Variants in SLC39A9 observed in about 807,000 individuals in gnomAD.
SLC39A9 encodes the protein zinc transporter ZIP9.
In SLC39A9, 14 loss-of-function variants were observed where a neutral mutation model predicts 28.4. The observed-to-expected ratio is 0.49, with a 90% CI of 0.33 to 0.77. The LOEUF is 0.77. Ranked by LOEUF, SLC39A9 falls within the 30% of genes least tolerant of loss-of-function variation. SLC39A9 has a pLI of 0.02. For synonymous variants in SLC39A9, 119 were observed against 149.6 expected (o/e 0.80, Z 1.49); for missense variants, 283 against 381.1 (o/e 0.74, Z 2.14).
Position 69,413,972 on chromosome 14 carries a change from A to G in SLC39A9, c.97-10122A>G, listed in dbSNP as rs145027922. On this transcript the variant is annotated intron_variant, in intron 1 of 6. Transcript: ENST00000336643. ...TAGCTAATATCCCTATTTTTAAAAC[A>G]TGGGTCTAAAGATTAATAAAAACCT... Among the ~76,000 whole-genome samples, 973 of 151,986 alleles carry G rather than the reference A, an allele frequency of 6.4e-3. 6 individuals are homozygous for G. The highest frequency in any genetic ancestry group is 0.022 in the African/African-American group (931 of 41,458).
intron 2 of SLC39A9, among the ~76,000 whole-genome samples, chr14:69,427,082 G>A (rs570116504): frequency 2.0e-5 from 3 of 149,626 alleles, no homozygotes; most frequent in African/African-American, 4.9e-5. Context: ...GATCACTGCA[G>A]CCTTGACTTC....
chr14:69,426,516 C>T (rs1275399708), intron 2 of SLC39A9, among the ~76,000 whole-genome samples: 1 of 152,232 alleles, frequency 6.6e-6, no homozygotes, highest in East Asian at 1.9e-4. Context: ...GCGCCACCCT[C>T]CTGGCACATG....
chr14:69,427,157 C>T (rs1052137270), intron 2 of SLC39A9, among the ~76,000 whole-genome samples: 1 of 151,874 alleles, frequency 6.6e-6, no homozygotes, highest in African/African-American at 2.4e-5. Context: ...CTCATGACAC[C>T]ACACCCAGCT....
At chr14:69,408,006 T>C (rs1883038339) in intron 1 of SLC39A9, among the ~76,000 whole-genome samples, 2 of 152,014 alleles carry the variant, frequency 1.3e-5, no homozygotes, top group African/African-American at 4.8e-5. Flanking sequence ...TTTATAGGTA[T>C]TCCTTTTTTC....
intron 6 of SLC39A9, among the ~76,000 whole-genome samples, chr14:69,457,173 TAC>T: frequency 7.1e-6 from 1 of 140,678 alleles, no homozygotes; most frequent in Non-Finnish European, 1.5e-5. Flanking sequence ...TTATGAGATA[TAC>T]ATATATATAC....
At chr14:69,436,373 T>G (rs1024133906) in intron 2 of SLC39A9, among the ~76,000 whole-genome samples, 1 of 152,218 alleles carries the variant, frequency 6.6e-6, no homozygotes, top group African/African-American at 2.4e-5. Flanking sequence ...GTCTTTTCCC[T>G]CGGTAATTGG....
chr14:69,435,824 C>T (rs1050141655), intron 2 of SLC39A9, among the ~76,000 whole-genome samples: 6 of 152,068 alleles, frequency 3.9e-5, no homozygotes, highest in African/African-American at 1.4e-4. Context: ...AGGGGTGTGC[C>T]ACCACGCCTG....
intron 3 of SLC39A9, among the ~76,000 whole-genome samples, chr14:69,447,342 T>G (rs1432161931): frequency 6.6e-6 from 1 of 151,670 alleles, no homozygotes; most frequent in Non-Finnish European, 1.5e-5. Context: ...TGGAAGGGAG[T>G]CAACACTTAG....
chr14:69,452,929 G>C (rs1416523826), intron 3 of SLC39A9, among the ~76,000 whole-genome samples: 1 of 152,178 alleles, frequency 6.6e-6, no homozygotes, highest in East Asian at 1.9e-4. Context: ...GGGGCCATTG[G>C]GGGTTACACA....
At position 69,399,352 on chromosome 14, in the gene SLC39A9, T is replaced by G; in HGVS notation, c.-18T>G. Reference sequence around the variant, plus strand: ...AAATTTGTTGTCTAGTGGTTGTGGGTGAATAAAGGAGGGCAGAATGGATGA... The same window carrying G: ...AAATTTGTTGTCTAGTGGTTGTGGGGGAATAAAGGAGGGCAGAATGGATGA... On this transcript the variant is annotated 5_prime_UTR_variant, in exon 1 of 7. Coordinates refer to ENST00000336643, the MANE Select transcript of SLC39A9 (RefSeq NM_018375.5). The G allele has an allele frequency of 6.2e-7, 1 of 1,610,466 alleles. No homozygotes were observed. The highest frequency in any genetic ancestry group is 8.5e-7 in the Non-Finnish European group (1 of 1,177,410).
At chr14:69,438,847 A>G (rs148759828) in intron 2 of SLC39A9, among the ~76,000 whole-genome samples, 1 of 152,364 alleles carries the variant, frequency 6.6e-6, no homozygotes, top group African/African-American at 2.4e-5. Context: ...AATGCCATGT[A>G]TCAGATTCTT....
At position 69,452,582 on chromosome 14, in the gene SLC39A9, G is replaced by A. The variant is rs140254978; in HGVS notation, c.404-659G>A. On this transcript the variant is annotated intron_variant, in intron 3 of 6. Transcript: ENST00000336643. ...TGACCTCAGGTGATCCACCTGCCTC[G>A]GCCTCCCAAAGTGCTGGGATTACAG... 2.9e-3 allele frequency among the ~76,000 whole-genome samples: 448 copies of A among 152,150 alleles called. 2 individuals carry two copies. Among genetic ancestry groups the A allele is most frequent in the African/African-American group, 0.01 (432 of 41,490 alleles).
chr14:69,461,318 C>T lies in SLC39A9; in HGVS notation c.*2725C>T. On this transcript the variant is annotated 3_prime_UTR_variant, in exon 7 of 7. Transcript: ENST00000336643. ...TTAAAGAATACTACTGCTCCATTCC[C>T]CTCACTTATTCTCCAGTTAATTGCT... 2 of 1,057,940 alleles carry T rather than the reference C, an allele frequency of 1.9e-6. No individual in the cohort carries two copies. The highest frequency in any genetic ancestry group is 2.3e-6 in the Non-Finnish European group (2 of 872,300). 65.5% of individuals were successfully genotyped at this position (1,057,940 alleles called of 1,614,324 possible).
rs997689092 is a variant in SLC39A9, at chr14:69,458,997, C to G, written c.*404C>G. The stretch of plus-strand genomic sequence containing the variant: ...CTTTCTTCTTAGTTTAGAGGCTCTG[C>G]TACTTTATCCATTGATTTTTAACAT... On this transcript the variant is annotated 3_prime_UTR_variant, in exon 7 of 7. Coordinates refer to ENST00000336643, the MANE Select transcript of SLC39A9 (RefSeq NM_018375.5). The G allele has an allele frequency of 3.5e-5, 35 of 993,352 alleles. No homozygotes were observed. Among genetic ancestry groups the G allele is most frequent in the Non-Finnish European group, 4.2e-5 (35 of 834,310 alleles). The allele number at this position is 993,352 out of a possible 1,614,324, so 61.5% of individuals were successfully genotyped here.
In SLC39A9 at chr14:69,450,362, T is replaced by A. The variant is rs1885547352; in HGVS notation, c.404-2879T>A. Among the ~76,000 whole-genome samples, 4 of 152,202 alleles carry A rather than the reference T, an allele frequency of 2.6e-5. No individual in the cohort carries two copies. The South Asian group carries it at 8.3e-4, about 32-fold the overall frequency. On this transcript the variant is annotated intron_variant, in intron 3 of 6. Coordinates refer to ENST00000336643, the MANE Select transcript of SLC39A9 (RefSeq NM_018375.5). ...CTTCACTTCTATGTGTTTTGAAACA[T>A]GTATGTAAATGTAAACATGTTAAAT... is the stretch of plus-strand genomic sequence containing the variant.
chr14:69,413,566 T>C (rs1461869595), intron 1 of SLC39A9, among the ~76,000 whole-genome samples: 1 of 152,108 alleles, frequency 6.6e-6, no homozygotes, highest in African/African-American at 2.4e-5. Context: ...ATGTGCTCAC[T>C]GTATTGTCCT....
chr14:69,400,727 A>C (rs1279721847), intron 1 of SLC39A9, among the ~76,000 whole-genome samples: 4 of 152,218 alleles, frequency 2.6e-5, no homozygotes, highest in South Asian at 2.1e-4. Context: ...CAGTTTGAGG[A>C]AAAGTAAAGC....
At position 69,459,318 on chromosome 14, in the gene SLC39A9, T is replaced by A; in HGVS notation, c.*725T>A. 1.0e-6 allele frequency: 1 copy of A among 985,444 alleles called. No individual in the cohort carries two copies. Among genetic ancestry groups the A allele is most frequent in the Non-Finnish European group, 1.2e-6 (1 of 829,944 alleles). 61.0% of individuals were successfully genotyped at this position (985,444 alleles called of 1,614,324 possible). A position where few individuals can be genotyped will look rare whatever the true frequency, so the allele number is the denominator to read the frequency against. ...GAGGAGCTTCTAAAGAGGTGACTGG[T>A]ATTTTGTAGCATTCCTTGTCAAGTT... On this transcript the variant is annotated 3_prime_UTR_variant, in exon 7 of 7. Transcript: ENST00000336643.
chr14:69,432,056 GT>G (rs1566916938), intron 2 of SLC39A9, among the ~76,000 whole-genome samples: 1 of 152,084 alleles, frequency 6.6e-6, no homozygotes. Context: ...ACAGTGATTT[GT>G]TTTCTTTTGG....
Sources: gnomAD v4.1 joint callset for allele counts (sites outside exome capture counted in the v4.1 genomes callset) on GRCh38, gnomAD v4.1.1 for gene constraint, MANE v1.5 for transcripts, NCBI Gene and HGNC (gene_info 2026-07-23, HGNC 2026-07-21) for gene names.